The following FTCD variants were observed in gnomAD, a reference collection of about 807,000 sequenced individuals.
FTCD encodes formimidoyltransferase-cyclodeaminase.
A neutral mutation model predicts 62.9 loss-of-function variants in FTCD; 76 were observed. The ratio of observed to expected loss-of-function variants is 1.21; its 90% CI spans 1.00 to 1.46. The LOEUF is 1.46. Ranked by LOEUF, FTCD falls within the 40% of genes most tolerant of loss-of-function variation. The pLI is 0.00. For missense variants in FTCD, 845 were observed against 751.3 expected, an observed-to-expected ratio of 1.12 and a Z score of -1.46; for synonymous variants, 397 against 336.9, an observed-to-expected ratio of 1.18 and a Z score of -1.95.
At chr21:46,143,512 A>G (rs1006227154) in intron 10 of FTCD, among the ~76,000 whole-genome samples, 4 of 152,242 alleles carry the variant, frequency 2.6e-5, no homozygotes, top group Non-Finnish European at 5.9e-5. Flanking sequence ...ATATATAATT[A>G]TTAATCATTA....
In FTCD at chr21:46,145,553, C is replaced by A; in HGVS notation, c.1124G>T (p.Gly375Val). 2 of 1,544,746 alleles carry A rather than the reference C, an allele frequency of 1.3e-6. No homozygotes were observed. The highest frequency in any genetic ancestry group is 2.5e-5 in the East Asian group (1 of 40,758). ...AMGAALGSMV[G>V]LMTYGRRQFQ... is the part of the protein sequence containing the mutation. ...TTGGCGCCGCCCGTAGGTCATGAGG[C>A]CCACCATGGAGCCCAGCGCCGCACC... The change falls in exon 10 of 14, where the codon GGC becomes GTC. Residue 375 changes from glycine (G) to valine (V), a missense_variant. Transcript: ENST00000397746.
chr21:46,138,816 G>A (rs564130649), intron 11 of FTCD, 64 bp downstream of exon 11: 48 of 1,488,524 alleles, frequency 3.2e-5, no homozygotes, highest in South Asian at 6.8e-5. Flanking sequence ...CCAGGTACTC[G>A]GGATCCTGGC....
At chr21:46,137,647 G>C (rs1324392779) in intron 12 of FTCD, among the ~76,000 whole-genome samples, 1 of 152,170 alleles carries the variant, frequency 6.6e-6, no homozygotes, top group Non-Finnish European at 1.5e-5. Flanking sequence ...GGCCCCCGGA[G>C]GCAGCTTCAG....
At chr21:46,148,889 G>T (rs1166179789) in intron 7 of FTCD, among the ~76,000 whole-genome samples, 2 of 152,128 alleles carry the variant, frequency 1.3e-5, no homozygotes, top group Non-Finnish European at 2.9e-5. Flanking sequence ...TATGGCCTGA[G>T]GATTATTAGA....
At chr21:46,152,204 G>C in intron 3 of FTCD, 1 of 527,752 alleles carries the variant, frequency 1.9e-6, no homozygotes, top group Non-Finnish European at 3.3e-6. Context: ...AGAGGGCCCT[G>C]AAAAGGCGAA....
At chr21:46,139,348 G>A (rs1601296651) in intron 10 of FTCD, among the ~76,000 whole-genome samples, 1 of 152,166 alleles carries the variant, frequency 6.6e-6, no homozygotes, top group Non-Finnish European at 1.5e-5. Flanking sequence ...AAACCTCAAA[G>A]CCCCTCATGT....
intron 7 of FTCD, among the ~76,000 whole-genome samples, chr21:46,147,179 C>T (rs1276880724): frequency 6.6e-6 from 1 of 152,148 alleles, no homozygotes. Context: ...TGGGGTCCGA[C>T]TGGAGACCCC....
chr21:46,145,703 C>G, intron 9 of FTCD, 115 bp downstream of exon 9: 1 of 706,438 alleles, frequency 1.4e-6, no homozygotes, highest in Non-Finnish European at 2.2e-6. Flanking sequence ...CGTCTCCACC[C>G]AGGGCGGCCC....
chr21:46,155,346 G>A (rs116882059), intron 1 of FTCD, 124 bp downstream of exon 1: 13,248 of 804,630 alleles, frequency 0.016, 174 homozygotes, highest in Non-Finnish European at 0.019. Flanking sequence ...CACGGGCAGC[G>A]GCTCTGCCCA....
At chr21:46,140,776 A>G (rs1210609568) in intron 10 of FTCD, among the ~76,000 whole-genome samples, 1 of 148,742 alleles carries the variant, frequency 6.7e-6, no homozygotes, top group African/African-American at 2.5e-5. Flanking sequence ...GTCCACCTTC[A>G]CGTGGCTCAC....
intron 7 of FTCD, among the ~76,000 whole-genome samples, chr21:46,149,624 G>A (rs1352090075): frequency 2.6e-5 from 4 of 152,224 alleles, no homozygotes; most frequent in Admixed American, 1.3e-4. Context: ...CTCTGCAGAC[G>A]CTGCCACACC....
At chr21:46,146,441 G>T in intron 7 of FTCD, 114 bp from the exon 8 acceptor site, 1 of 761,392 alleles carries the variant, frequency 1.3e-6, no homozygotes, top group Non-Finnish European at 2.3e-6. Flanking sequence ...GAGCACACAG[G>T]TGCTTTTGCG....
At chr21:46,136,705 T>TG (rs1333896872), downstream of FTCD, 6 of 1,469,882 alleles carry the variant, frequency 4.1e-6, no homozygotes, top group African/African-American at 8.5e-5. Flanking sequence ...ACTGACCATA[T>TG]GTCCTGCTCC....
intron 5 of FTCD, among the ~76,000 whole-genome samples, chr21:46,151,166 C>T (rs2079263583): frequency 1.3e-5 from 2 of 151,662 alleles, no homozygotes; most frequent in Admixed American, 6.6e-5. Context: ...GAGGGAAAGG[C>T]CTGGGGGCAC....
At chr21:46,146,605 C>A (rs1291410556) in intron 7 of FTCD, 3 of 559,548 alleles carry the variant, frequency 5.4e-6, no homozygotes, top group East Asian at 6.0e-5. Flanking sequence ...AAAGGAGTTG[C>A]CCCCTGGGGA....
rs568533281 is a variant in FTCD, at chr21:46,152,938, G to A, written c.336C>T (p.Gly112=). The A allele has an allele frequency of 3.2e-6, 5 of 1,566,118 alleles. No homozygotes were observed. The highest frequency in any genetic ancestry group is 3.8e-5 in the Admixed American group (2 of 52,844). Reference sequence around the variant, plus strand: ...CGTCCAGCTCCTCTGCCAGCCTCTGGCCAAAGGCCTGGGCGCAGAGCACAC... The same window carrying A: ...CGTCCAGCTCCTCTGCCAGCCTCTGACCAAAGGCCTGGGCGCAGAGCACAC... ...DECVLCAQAF[G]QRLAEELDVP... is the part of the protein sequence containing the mutation. The change falls in exon 3 of 14, where the codon GGC becomes GGT. Residue 112 remains glycine (G), a synonymous_variant. Coordinates refer to ENST00000397746, the MANE Select transcript of FTCD (RefSeq NM_206965.2).
chr21:46,152,713 C>T (rs961532531), intron 3 of FTCD, 194 bp downstream of exon 3: 49 of 552,526 alleles, frequency 8.9e-5, no homozygotes, highest in Middle Eastern at 9.1e-4. Flanking sequence ...GAGGAGGCCC[C>T]GGGCCTGCAC....
At chr21:46,142,673 C>T (rs1036996065) in intron 10 of FTCD, 8 of 150,402 alleles carry the variant, frequency 5.3e-5, no homozygotes, top group African/African-American at 1.8e-4. Flanking sequence ...AAGAACAAAG[C>T]CCCCACAGCT....
intron 7 of FTCD, among the ~76,000 whole-genome samples, chr21:46,147,642 A>G (rs1460730382): frequency 6.6e-6 from 1 of 152,188 alleles, no homozygotes; most frequent in African/African-American, 2.4e-5. Context: ...CTTCAGGTAA[A>G]GAAGACAAAA....
Sources: gnomAD v4.1 joint callset for allele counts (sites outside exome capture counted in the v4.1 genomes callset) on GRCh38, gnomAD v4.1.1 for gene constraint, MANE v1.5 for transcripts, NCBI Gene and HGNC (gene_info 2026-07-23, HGNC 2026-07-21) for gene names.